MRPS25: variants seen among roughly 807,000 people sequenced by gnomAD.
The protein encoded by MRPS25 is mitochondrial ribosomal protein S25.
A neutral mutation model predicts 17.3 loss-of-function variants in MRPS25; 15 were observed. The ratio of observed to expected loss-of-function variants is 0.87; its 90% CI spans 0.58 to 1.34. The LOEUF (loss-of-function observed/expected upper bound fraction) is 1.34. Ranked by LOEUF, MRPS25 falls within the 40% of genes most tolerant of loss-of-function variation. The pLI, the probability that MRPS25 is intolerant of heterozygous loss-of-function variation, is 0.00. For missense variants in MRPS25, 225 were observed against 218.6 expected, an observed-to-expected ratio of 1.03 and a Z score of -0.19; for synonymous variants, 94 against 83.3, an observed-to-expected ratio of 1.13 and a Z score of -0.70.
chr3:15,059,611 G>A lies in MRPS25; in HGVS notation c.135-136C>T, dbSNP rs116714023. ...ACCCAAAAAGGCTGAGAAAAAACTC[G>A]CAGGGATCCTCTTAGAAGATTCCCT... On this transcript the variant is annotated intron_variant, in intron 1 of 3. Coordinates refer to ENST00000253686, the MANE Select transcript of MRPS25 (RefSeq NM_022497.5). 457 of 661,546 alleles carry A rather than the reference G, an allele frequency of 6.9e-4. 3 individuals carry two copies. The highest frequency in any genetic ancestry group is 5.9e-3 in the African/African-American group (327 of 55,286). The allele number at this position is 661,546 out of a possible 1,614,324, so 41.0% of individuals were successfully genotyped here.
chr3:15,053,044 G>A (rs906277920), intron 3 of MRPS25, among the ~76,000 whole-genome samples: 1 of 152,210 alleles, frequency 6.6e-6, no homozygotes, highest in African/African-American at 2.4e-5. Context: ...CCTAGGGCTA[G>A]ATGTCTGCTA....
chr3:15,059,475 C>T lies in MRPS25; in HGVS notation c.135G>A (p.Arg45=). 1 of 1,603,132 alleles carries T rather than the reference C, an allele frequency of 6.2e-7. No individual in the cohort carries two copies. Among genetic ancestry groups the T allele is most frequent in the East Asian group, 2.2e-5 (1 of 44,776 alleles). The change falls in exon 2 of 4, where the codon AGG becomes AGA. Residue 45 remains arginine, a splice_region_variant and synonymous_variant. Coordinates refer to ENST00000253686, the MANE Select transcript of MRPS25 (RefSeq NM_022497.5). ...GAGGTATGTTGAAAAACACAAACTT[C>T]CTGCAAAAGGGAAGAAATGAAGCCT... is the stretch of plus-strand genomic sequence containing the variant. ...NTHGELGEGA[R]KFVFFNIPQI... is the part of the protein sequence containing the mutation.
rs542127954 is a variant in MRPS25, at chr3:15,050,155, G to A, written c.*2286C>T. The A allele has an allele frequency of 3.8e-6, 5 of 1,312,592 alleles. No homozygotes were observed. The highest frequency in any genetic ancestry group is 4.8e-6 in the Non-Finnish European group (5 of 1,038,810). 81.3% of individuals were successfully genotyped at this position (1,312,592 alleles called of 1,614,324 possible). A position where few individuals can be genotyped will look rare whatever the true frequency, so the allele number is the denominator to read the frequency against. On this transcript the variant is annotated 3_prime_UTR_variant, in exon 4 of 4. Transcript: ENST00000253686. ...TATCCAGGATCAAGTAGCCTACAGG[G>A]AACAAAAAAAGAAAATAATGTTTAT...
At chr3:15,057,266 C>T (rs1272146863) in intron 2 of MRPS25, among the ~76,000 whole-genome samples, 1 of 152,226 alleles carries the variant, frequency 6.6e-6, no homozygotes, top group Non-Finnish European at 1.5e-5. Context: ...AGAGCTGCGT[C>T]GTCCTCACCT....
chr3:15,053,315 C>A, intron 3 of MRPS25, 65 bp downstream of exon 3: 1 of 1,610,070 alleles, frequency 6.2e-7, no homozygotes, highest in South Asian at 1.1e-5. Context: ...CCCACACACC[C>A]CTTTCTTCCT....
Position 15,050,089 on chromosome 3 carries a change from T to G in MRPS25, c.*2352A>C. On this transcript the variant is annotated 3_prime_UTR_variant, in exon 4 of 4. Coordinates refer to ENST00000253686, the MANE Select transcript of MRPS25 (RefSeq NM_022497.5). ...ATATTTTAAACCCATCTTTCATCACTACTAAACAAAATAGGGAAAGACAAA... is the reference window on the plus strand; with the variant it reads ...ATATTTTAAACCCATCTTTCATCACGACTAAACAAAATAGGGAAAGACAAA... 7.1e-7 allele frequency: 1 copy of G among 1,411,548 alleles called. No individual in the cohort carries two copies. The highest frequency in any genetic ancestry group is 1.5e-5 in the African/African-American group (1 of 66,328). The allele number at this position is 1,411,548 out of a possible 1,614,324, so 87.4% of individuals were successfully genotyped here. A position where few individuals can be genotyped will look rare whatever the true frequency, so the allele number is the denominator to read the frequency against.
At chr3:15,056,191 G>A (rs1160496890) in intron 2 of MRPS25, among the ~76,000 whole-genome samples, 1 of 151,630 alleles carries the variant, frequency 6.6e-6, no homozygotes, top group Non-Finnish European at 1.5e-5. Flanking sequence ...CTCCAGCCTG[G>A]GCGACAGAGC....
In MRPS25 at chr3:15,054,270, C is replaced by T. The variant is rs561732841; in HGVS notation, c.242-803G>A. Among the ~76,000 whole-genome samples, 16 of 151,898 alleles carry T rather than the reference C, an allele frequency of 1.1e-4. No individual in the cohort carries two copies. In the South Asian group the frequency reaches 2.7e-3, roughly 26 times the overall value. ...AACAAAACTGAGTCCAGAAATAAAC[C>T]CTTATTTGTAAGGTCAATTGCTTTT... On this transcript the variant is annotated intron_variant, in intron 2 of 3. Transcript: ENST00000253686.
chr3:15,051,718 AGGT>A lies in MRPS25; in HGVS notation c.*720_*722del. The A allele has an allele frequency of 2.0e-6, 2 of 985,594 alleles. No homozygotes were observed. The highest frequency in any genetic ancestry group is 2.4e-6 in the Non-Finnish European group (2 of 830,078). The allele number at this position is 985,594 out of a possible 1,614,324, so 61.1% of individuals were successfully genotyped here. A position where few individuals can be genotyped will look rare whatever the true frequency, so the allele number is the denominator to read the frequency against. On this transcript the variant is annotated 3_prime_UTR_variant, in exon 4 of 4. Transcript: ENST00000253686. ...CCAGCAGGGCCCCAATGTCTCCACTAGGTGGTGTCTCCTCATTTCCTCCATGGC... is the reference window on the plus strand; with the variant it reads ...CCAGCAGGGCCCCAATGTCTCCACTAGGTGTCTCCTCATTTCCTCCATGGC...
rs1276782677 is a variant in MRPS25, at chr3:15,053,182, A to G, written c.329+198T>C. On this transcript the variant is annotated intron_variant, in intron 3 of 3. Coordinates refer to ENST00000253686, the MANE Select transcript of MRPS25 (RefSeq NM_022497.5). Reference sequence around the variant, plus strand: ...TTCTCACACTGTACAGCCAAGGGAGATAAAGCTTACAGAGGTTTAATGATT... The same window carrying G: ...TTCTCACACTGTACAGCCAAGGGAGGTAAAGCTTACAGAGGTTTAATGATT... 6.3e-6 allele frequency: 8 copies of G among 1,266,026 alleles called. No individual in the cohort carries two copies. In the Admixed American group the frequency reaches 1.1e-4, roughly 18 times the overall value. 78.4% of individuals were successfully genotyped at this position (1,266,026 alleles called of 1,614,324 possible).
Position 15,050,025 on chromosome 3 carries a change from TC to T in MRPS25, c.*2415del. On this transcript the variant is annotated 3_prime_UTR_variant, in exon 4 of 4. Transcript: ENST00000253686. ...TAAGAACATGTTATCAATTATAAAATCCTCACATTTTCTCTAATTAATTTTC... is the reference window on the plus strand; with the variant it reads ...TAAGAACATGTTATCAATTATAAAATCTCACATTTTCTCTAATTAATTTTC... 2.7e-6 allele frequency: 4 copies of T among 1,461,774 alleles called. No individual in the cohort carries two copies. Among genetic ancestry groups the T allele is most frequent in the Middle Eastern group, 3.5e-4 (2 of 5,778 alleles). 90.6% of individuals were successfully genotyped at this position (1,461,774 alleles called of 1,614,324 possible). A position where few individuals can be genotyped will look rare whatever the true frequency, so the allele number is the denominator to read the frequency against.
intron 1 of MRPS25, among the ~76,000 whole-genome samples, chr3:15,064,309 C>T (rs935838849): frequency 2.6e-5 from 4 of 152,196 alleles, no homozygotes; most frequent in African/African-American, 9.7e-5. Flanking sequence ...CAATCCAAAC[C>T]TTTCACTTGC....
rs776213938 is a variant in MRPS25 at position 15,048,599 on chromosome 3, T to TA, written c.*3841dup. 4 of 152,664 alleles carry TA rather than the reference T, an allele frequency of 2.6e-5. No homozygotes were observed. The highest frequency in any genetic ancestry group is 4.4e-5 in the Non-Finnish European group (3 of 68,042). The allele number at this position is 152,664 out of a possible 1,614,324, so 9.5% of individuals were successfully genotyped here. A position where few individuals can be genotyped will look rare whatever the true frequency, so the allele number is the denominator to read the frequency against. On this transcript the variant is annotated 3_prime_UTR_variant, in exon 4 of 4. Transcript: ENST00000253686. ...CATTTGGAAGTAGTAGACTTTGCATTAAAAAATGGCTTTTCTTTAGGAAAG... is the reference window on the plus strand; with the variant it reads ...CATTTGGAAGTAGTAGACTTTGCATTAAAAAAATGGCTTTTCTTTAGGAAAG...
downstream of MRPS25, chr3:15,047,883 T>G (rs776311425): frequency 2.6e-5 from 4 of 152,372 alleles, no homozygotes; most frequent in Non-Finnish European, 4.4e-5. Context: ...CATTTTAATA[T>G]GGATATGTGT....
In MRPS25 at chr3:15,051,762, C is replaced by T; in HGVS notation, c.*679G>A. 1 of 985,530 alleles carries T rather than the reference C, an allele frequency of 1.0e-6. No homozygotes were observed. Among genetic ancestry groups the T allele is most frequent in the Non-Finnish European group, 1.2e-6 (1 of 830,014 alleles). 61.0% of individuals were successfully genotyped at this position (985,530 alleles called of 1,614,324 possible). On this transcript the variant is annotated 3_prime_UTR_variant, in exon 4 of 4. Transcript: ENST00000253686. ...CCTCCATGGCCTACAAACCTCCCTGCTAATGCACACAGTGGCTGGGCCATG... is the reference window on the plus strand; with the variant it reads ...CCTCCATGGCCTACAAACCTCCCTGTTAATGCACACAGTGGCTGGGCCATG...
Position 15,049,076 on chromosome 3 carries a change from T to G in MRPS25, c.*3365A>C, listed in dbSNP as rs1343535624. The G allele has an allele frequency of 6.5e-6, 1 of 152,676 alleles. No individual in the cohort carries two copies. The highest frequency in any genetic ancestry group is 1.5e-5 in the Non-Finnish European group (1 of 68,038). The allele number at this position is 152,676 out of a possible 1,614,324, so 9.5% of individuals were successfully genotyped here. A position where few individuals can be genotyped will look rare whatever the true frequency, so the allele number is the denominator to read the frequency against. ...CATTTAAAAAATAGCATGTTCTTTT[T>G]AAACTGAATTTTATATCTAATCAAT... On this transcript the variant is annotated 3_prime_UTR_variant, in exon 4 of 4. Coordinates refer to ENST00000253686, the MANE Select transcript of MRPS25 (RefSeq NM_022497.5).
At chr3:15,043,362 A>G (rs648912), downstream of MRPS25, 7,509 of 156,624 alleles carry the variant, frequency 0.048, 220 homozygotes, top group Middle Eastern at 0.082. Flanking sequence ...GTATGTGTGT[A>G]TATATATATA....
At chr3:15,062,479 G>A (rs1296099584) in intron 1 of MRPS25, among the ~76,000 whole-genome samples, 29 of 144,394 alleles carry the variant, frequency 2.0e-4, no homozygotes, top group Admixed American at 1.8e-3. Context: ...CAGCCGCCCC[G>A]TCCAGGAGGT....
Position 15,052,162 on chromosome 3 carries a change from T to G in MRPS25, c.*279A>C. ...TAACCTCTCAGGCCCAAAGCCTTTC[T>G]GCTACACAGGCCTTCCTCTTCACTA... On this transcript the variant is annotated 3_prime_UTR_variant, in exon 4 of 4. Transcript: ENST00000253686. The G allele has an allele frequency of 1.7e-6, 2 of 1,154,938 alleles. No individual in the cohort carries two copies. Among genetic ancestry groups the G allele is most frequent in the Non-Finnish European group, 2.1e-6 (2 of 937,328 alleles). 71.5% of individuals were successfully genotyped at this position (1,154,938 alleles called of 1,614,324 possible).
Sources: allele counts gnomAD v4.1 joint callset (sites outside exome capture counted in the v4.1 genomes callset), GRCh38; gene constraint gnomAD v4.1.1; transcripts MANE v1.5; gene names NCBI Gene and HGNC (gene_info 2026-07-23, HGNC 2026-07-21).